FURIN: variants seen among roughly 807,000 people sequenced by gnomAD.
FURIN encodes furin, paired basic amino acid cleaving enzyme.
A neutral mutation model predicts 89.2 loss-of-function variants in FURIN; 18 were observed. The observed-to-expected ratio is 0.20, with a 90% CI of 0.14 to 0.30. The LOEUF (loss-of-function observed/expected upper bound fraction) is 0.30. Ranked by LOEUF, FURIN falls within the 10% of genes least tolerant of loss-of-function variation. The probability of loss-of-function intolerance (pLI) is 1.00; values close to 1 mark genes in which losing one functional copy is unlikely to be tolerated. For synonymous variants in FURIN, 508 were observed against 466.4 expected (o/e 1.09, Z -1.15); for missense variants, 879 against 1,100.5 (o/e 0.80, Z 2.85).
chr15:90,877,408 TG>T, intron 6 of FURIN, 118 bp from the exon 7 acceptor site: 1 of 922,576 alleles, frequency 1.1e-6, no homozygotes, highest in Non-Finnish European at 1.6e-6. Context: ...AGATGGGGGC[TG>T]GGTACTCAGG....
intron 1 of FURIN, among the ~76,000 whole-genome samples, chr15:90,871,323 A>C (rs1049203614): frequency 1.3e-5 from 2 of 151,984 alleles, no homozygotes; most frequent in African/African-American, 4.8e-5. Context: ...CGAAGAGCCG[A>C]GCCCGGGGGC....
At chr15:90,874,918 C>T (rs1283250553) in intron 1 of FURIN, among the ~76,000 whole-genome samples, 1 of 151,690 alleles carries the variant, frequency 6.6e-6, no homozygotes, top group Non-Finnish European at 1.5e-5. Context: ...GTACATACTG[C>T]TTTATAATGC....
At position 90,876,306 on chromosome 15, in the gene FURIN, C is replaced by G. The variant is rs769853769; in HGVS notation, c.229C>G (p.Leu77Val). 6.2e-7 allele frequency: 1 copy of G among 1,613,178 alleles called. No individual in the cohort carries two copies. The highest frequency in any genetic ancestry group is 1.7e-5 in the Admixed American group (1 of 60,030). Residue 77 changes from leucine to valine, a missense_variant, in exon 3 of 16, where the codon CTG (leucine) becomes GTG (valine). Around this residue, in one of 5 missense-constraint regions of FURIN, gnomAD observed 125 missense variants for 125.0 expected, o/e 1.00. Coordinates refer to ENST00000268171, the MANE Select transcript of FURIN (RefSeq NM_002569.4). This position sits in a 1 kb window ranked among gnomAD's most constrained non-coding sequence, Gnocchi z 5.0. Reference protein sequence around the residue: ...FWHRGVTKRSLSPHRPRHSRL... With the variant: ...FWHRGVTKRSVSPHRPRHSRL... ...GCATCGAGGAGTGACGAAGCGGTCC[C>G]TGTCGCCTCACCGCCCGCGGCACAG... is the stretch of plus-strand genomic sequence containing the variant.
At chr15:90,878,644 C>G in intron 8 of FURIN, 120 bp from the exon 9 acceptor site, 1 of 633,888 alleles carries the variant, frequency 1.6e-6, no homozygotes, top group South Asian at 1.9e-5. Context: ...AGGGATCTCA[C>G]AGGGGACAGG....
Position 90,879,458 on chromosome 15 carries a change from G to A in FURIN, c.1068G>A (p.Leu356=). The A allele has an allele frequency of 1.2e-6, 2 of 1,612,778 alleles. No homozygotes were observed. Among genetic ancestry groups the A allele is most frequent in the East Asian group, 2.2e-5 (1 of 44,866 alleles). Residue 356 remains leucine, a synonymous_variant, in exon 10 of 16, where the codon TTG becomes TTA. Coordinates refer to ENST00000268171, the MANE Select transcript of FURIN (RefSeq NM_002569.4). ...CTTCCTGGCAGGTGACGACTGACTT[G>A]CGGCAGAAGTGCACGGAGTCTCACA... The part of the protein sequence containing the change: ...QNEKQIVTTD[L]RQKCTESHTG...
chr15:90,870,329 T>C (rs972890497), intron 1 of FURIN, among the ~76,000 whole-genome samples: 3 of 152,166 alleles, frequency 2.0e-5, no homozygotes, highest in African/African-American at 7.2e-5. Flanking sequence ...TCCTCCTCTA[T>C]AAAATGCAGA....
Position 90,879,693 on chromosome 15 carries a change from A to C in FURIN, c.1177A>C (p.Met393Leu). The C allele has an allele frequency of 6.2e-7, 1 of 1,613,660 alleles. No homozygotes were observed. The highest frequency in any genetic ancestry group is 1.1e-5 in the South Asian group (1 of 91,086). The change falls in exon 11 of 16, where the codon ATG (methionine) becomes CTG (leucine). Residue 393 changes from methionine to leucine, a missense_variant. Met to Leu is a conservative substitution (Grantham distance 15). This residue lies in a region of FURIN where 156 missense variants were observed against 243.7 expected (regional missense o/e 0.64). Coordinates refer to ENST00000268171, the MANE Select transcript of FURIN (RefSeq NM_002569.4). ...CAGTAAGAACCTCACATGGCGGGAC[A>C]TGCAACACCTGGTGGTACAGACCTC... Reference protein sequence around the residue: ...EANKNLTWRDMQHLVVQTSKP... With the variant: ...EANKNLTWRDLQHLVVQTSKP...
intron 1 of FURIN, among the ~76,000 whole-genome samples, chr15:90,870,888 A>G (rs1889361494): frequency 6.6e-6 from 1 of 152,200 alleles, no homozygotes. Flanking sequence ...TGTGGATTAA[A>G]TCATGTACAT....
intron 1 of FURIN, among the ~76,000 whole-genome samples, chr15:90,870,170 G>A (rs1353757513): frequency 1.3e-5 from 2 of 152,190 alleles, no homozygotes; most frequent in East Asian, 3.8e-4. Context: ...ATTTTATAGA[G>A]GGGTAAATTG....
At position 90,881,541 on chromosome 15, in the gene FURIN, G is replaced by C. The variant is rs750056602; in HGVS notation, c.2048G>C (p.Arg683Pro). 2 of 1,611,260 alleles carry C rather than the reference G, an allele frequency of 1.2e-6. No homozygotes were observed. The highest frequency in any genetic ancestry group is 1.1e-5 in the South Asian group (1 of 91,038). ...TGCTCCCGGCAAAGCCAGAGCAGCC[G>C]AGAGTCCCCGCCACAGCAGCAGCCA... Reference protein sequence around the residue: ...QTCSRQSQSSRESPPQQQPPR... With the variant: ...QTCSRQSQSSPESPPQQQPPR... Residue 683 changes from arginine to proline, a missense_variant, in exon 16 of 16, where the codon CGA (arginine) becomes CCA (proline). By Grantham distance (103) the Arg-to-Pro change is moderately radical. Around this residue, in one of 5 missense-constraint regions of FURIN, gnomAD observed 457 missense variants for 490.7 expected, o/e 0.93. Coordinates refer to ENST00000268171, the MANE Select transcript of FURIN (RefSeq NM_002569.4). This position sits in a 1 kb window ranked among gnomAD's most constrained non-coding sequence, Gnocchi z 4.3.
chr15:90,880,966 C>G lies in FURIN; in HGVS notation c.1718C>G (p.Thr573Ser). The G allele has an allele frequency of 6.2e-7, 1 of 1,614,082 alleles. No homozygotes were observed. The highest frequency in any genetic ancestry group is 8.5e-7 in the Non-Finnish European group (1 of 1,179,924). ...LTKFTLVLYGTAPEGLPVPPE... is the reference protein window; with the variant it reads ...LTKFTLVLYGSAPEGLPVPPE... ...AAGTTCACCCTCGTACTCTATGGCACCGCCCCTGAGGGGCTGCCCGTACCT... is the reference window on the plus strand; with the variant it reads ...AAGTTCACCCTCGTACTCTATGGCAGCGCCCCTGAGGGGCTGCCCGTACCT... Residue 573 changes from threonine to serine, a missense_variant, in exon 15 of 16, where the codon ACC becomes AGC. Thr to Ser is a moderately conservative substitution (Grantham distance 58). Transcript: ENST00000268171.
In FURIN at chr15:90,876,859, T is replaced by C. The variant is rs373036330; in HGVS notation, c.373-37T>C. On this transcript the variant is annotated intron_variant, in intron 4 of 15. Coordinates refer to ENST00000268171, the MANE Select transcript of FURIN (RefSeq NM_002569.4). This position sits in a 1 kb window ranked among gnomAD's most constrained non-coding sequence, Gnocchi z 5.0. ...GATGCTCCTAGCCTCACAAAACCAATCATGTCTCATAAGTGATGGGGTGGG... is the reference window on the plus strand; with the variant it reads ...GATGCTCCTAGCCTCACAAAACCAACCATGTCTCATAAGTGATGGGGTGGG... 1.2e-6 allele frequency: 2 copies of C among 1,609,772 alleles called. No homozygotes were observed. The highest frequency in any genetic ancestry group is 1.7e-6 in the Non-Finnish European group (2 of 1,176,660).
intron 6 of FURIN, 96 bp downstream of exon 6, chr15:90,877,307 C>CT: frequency 8.7e-7 from 1 of 1,152,418 alleles, no homozygotes; most frequent in Non-Finnish European, 1.2e-6. Flanking sequence ...GCCTAAAAGG[C>CT]TGAGGCTTTT....
At chr15:90,869,141 G>C (rs1231997939) in intron 1 of FURIN, among the ~76,000 whole-genome samples, 1 of 152,182 alleles carries the variant, frequency 6.6e-6, no homozygotes, top group Admixed American at 6.5e-5. Flanking sequence ...CCAGAGCCCT[G>C]CTGGGAAAAT....
Position 90,880,138 on chromosome 15 carries a change from G to A in FURIN, c.1421G>A (p.Cys474Tyr), listed in dbSNP as rs1289720259. ...RLEVRKTVTACLGEPNHITRL... is the reference protein window; with the variant it reads ...RLEVRKTVTAYLGEPNHITRL... ...GAGGTGCGGAAGACCGTGACCGCGTGCCTGGGCGAGCCCAACCACATCACT... is the reference window on the plus strand; with the variant it reads ...GAGGTGCGGAAGACCGTGACCGCGTACCTGGGCGAGCCCAACCACATCACT... The change falls in exon 13 of 16, where the codon TGC becomes TAC. Residue 474 changes from cysteine to tyrosine, a missense_variant. Around this residue, in one of 5 missense-constraint regions of FURIN, gnomAD observed 457 missense variants for 490.7 expected, o/e 0.93. Coordinates refer to ENST00000268171, the MANE Select transcript of FURIN (RefSeq NM_002569.4). The A allele has an allele frequency of 1.2e-6, 2 of 1,610,430 alleles. No individual in the cohort carries two copies. Among genetic ancestry groups the A allele is most frequent in the Non-Finnish European group, 1.7e-6 (2 of 1,178,116 alleles).
chr15:90,879,532 C>T lies in FURIN; in HGVS notation c.1142C>T (p.Thr381Ile), dbSNP rs1407000464. 3 of 1,610,784 alleles carry T rather than the reference C, an allele frequency of 1.9e-6. No individual in the cohort carries two copies. The highest frequency in any genetic ancestry group is 2.5e-6 in the Non-Finnish European group (3 of 1,177,314). ...APLAAGIIALTLEANKNLTWR... is the reference protein window; with the variant it reads ...APLAAGIIALILEANKNLTWR... ...TTAGCAGCCGGCATCATTGCTCTCA[C>T]CCTGGAGGCCAAGTAAGTGGGTGGG... The change falls in exon 10 of 16, where the codon ACC becomes ATC. Residue 381 changes from threonine (T) to isoleucine (I), a missense_variant. Coordinates refer to ENST00000268171, the MANE Select transcript of FURIN (RefSeq NM_002569.4).
At position 90,883,112 on chromosome 15, in the gene FURIN, C is replaced by G. The variant is rs2032109596; in HGVS notation, c.*1234C>G. ...CACTGAGCCCCCCCAACACTGTGCC[C>G]TGGTGGAGAAAGCACTGACCTGTCA... On this transcript the variant is annotated 3_prime_UTR_variant, in exon 16 of 16. Transcript: ENST00000268171. 1 of 152,720 alleles carries G rather than the reference C, an allele frequency of 6.5e-6. No individual in the cohort carries two copies. The highest frequency in any genetic ancestry group is 1.5e-5 in the Non-Finnish European group (1 of 68,144). The allele number at this position is 152,720 out of a possible 1,614,324, so 9.5% of individuals were successfully genotyped here. A position where few individuals can be genotyped will look rare whatever the true frequency, so the allele number is the denominator to read the frequency against.
chr15:90,874,536 C>T (rs908678854), intron 1 of FURIN, among the ~76,000 whole-genome samples: 1 of 152,258 alleles, frequency 6.6e-6, no homozygotes, highest in East Asian at 1.9e-4. Context: ...CCCCGCACCC[C>T]CTCAGGACAT....
rs376999461 is a variant in FURIN at position 90,873,656 on chromosome 15, C to T, written c.-159-1926C>T. 4.6e-5 allele frequency among the ~76,000 whole-genome samples: 7 copies of T among 152,084 alleles called. No individual in the cohort carries two copies. In the East Asian group the frequency reaches 9.6e-4, roughly 21 times the overall value. On this transcript the variant is annotated intron_variant, in intron 1 of 15. Transcript: ENST00000268171. ...GGGGTGGGGGGGGCGGTCCTTCCAT[C>T]CCCTAGGGCTGGGGCGCCTAGCTGC... is the stretch of plus-strand genomic sequence containing the variant.
Sources: gnomAD v4.1 joint callset for allele counts (sites outside exome capture counted in the v4.1 genomes callset) on GRCh38, gnomAD v4.1.1 for gene constraint, gnomAD v4.1.1 regional missense constraint, Gnocchi (gnomAD v3.1) non-coding constraint, MANE v1.5 for transcripts, NCBI Gene and HGNC (gene_info 2026-07-23, HGNC 2026-07-21) for gene names.